The following GSE1 variants were observed in gnomAD, a reference collection of about 807,000 sequenced individuals.
The protein encoded by GSE1 is Gse1 coiled-coil protein, also known as genetic suppressor element 1.
GSE1 carries 32 observed loss-of-function variants against 112.6 expected under a neutral mutation model. That is an observed-to-expected ratio of 0.28 (90% confidence interval 0.21 to 0.38). The LOEUF is 0.38. GSE1 is among the 10% of genes least tolerant of loss of function. GSE1 has a pLI of 1.00. For missense variants in GSE1, 2,348 were observed against 1,699.2 expected (o/e 1.38, Z -6.71); for synonymous variants, 1,115 against 735.6 (o/e 1.52, Z -8.35).
At chr16:85,220,640 C>T (rs913552886) in intron 1 of GSE1, among the ~76,000 whole-genome samples, 2 of 152,120 alleles carry the variant, frequency 1.3e-5, no homozygotes, top group Non-Finnish European at 1.5e-5. Context: ...CCCGCTGCTG[C>T]CCGCTTGCCC....
chr16:85,438,603 C>A (rs1003135087), intron 2 of GSE1, among the ~76,000 whole-genome samples: 5 of 152,158 alleles, frequency 3.3e-5, no homozygotes, highest in Admixed American at 1.3e-4. Context: ...TCTTACAGCT[C>A]GGAAGGGAGT....
chr16:85,480,701 G>A (rs1320043183), intron 2 of GSE1, among the ~76,000 whole-genome samples: 1 of 152,106 alleles, frequency 6.6e-6, no homozygotes, highest in Non-Finnish European at 1.5e-5. Context: ...GGGCGGCAGG[G>A]GTGGCCAAGG....
At chr16:85,247,040 G>A (rs368061385) in intron 1 of GSE1, among the ~76,000 whole-genome samples, 2 of 152,062 alleles carry the variant, frequency 1.3e-5, no homozygotes, top group Admixed American at 6.5e-5. Flanking sequence ...GACCCATCTC[G>A]TCACCTGCCC....
intron 1 of GSE1, among the ~76,000 whole-genome samples, chr16:85,251,843 C>G (rs2144031971): frequency 6.6e-6 from 1 of 152,348 alleles, no homozygotes; most frequent in Admixed American, 6.5e-5. Context: ...CACACAACCG[C>G]TGGGTGTGCG....
At position 85,661,465 on chromosome 16, in the gene GSE1, C is replaced by A; in HGVS notation, c.1960C>A (p.Pro654Thr). ...TCTGGACAAGTACCAGCCACCTCCG[C>A]CGCCACCACGAGAGGGAGGGAGCCT... is the stretch of plus-strand genomic sequence containing the variant. ...APLDKYQPPP[P>T]PPREGGSLEH... is the part of the protein sequence containing the mutation. Residue 654 changes from proline (P) to threonine (T), a missense_variant, in exon 9 of 16, where the codon CCG (proline) becomes ACG (threonine). Transcript: ENST00000253458. 1.9e-6 allele frequency: 3 copies of A among 1,611,652 alleles called. No homozygotes were observed. The highest frequency in any genetic ancestry group is 2.5e-6 in the Non-Finnish European group (3 of 1,179,352).
At chr16:85,253,700 T>G (rs1255759663) in intron 1 of GSE1, among the ~76,000 whole-genome samples, 3 of 151,966 alleles carry the variant, frequency 2.0e-5, no homozygotes, top group Admixed American at 6.6e-5. Flanking sequence ...GGAGGAAGAG[T>G]TAGCCAGGGG....
chr16:85,477,588 T>C (rs912242118), intron 2 of GSE1, among the ~76,000 whole-genome samples: 2 of 135,898 alleles, frequency 1.5e-5, no homozygotes, highest in Non-Finnish European at 3.1e-5. Context: ...TGAGATGGAG[T>C]CTCGCTCTGT....
At chr16:85,364,073 G>A (rs886613682) in intron 2 of GSE1, among the ~76,000 whole-genome samples, 2 of 152,218 alleles carry the variant, frequency 1.3e-5, no homozygotes, top group Non-Finnish European at 2.9e-5. Flanking sequence ...GAAGTCTGAC[G>A]TTAGTCTCAC....
At chr16:85,654,568 TCGGC>T in intron 4 of GSE1, 118 bp downstream of exon 4, 1 of 929,314 alleles carries the variant, frequency 1.1e-6, no homozygotes, top group Non-Finnish European at 1.6e-6. Context: ...TAGATGGTTG[TCGGC>T]CGCTGAGCCC....
At chr16:85,296,105 T>C (rs2045358881) in intron 1 of GSE1, among the ~76,000 whole-genome samples, 1 of 151,924 alleles carries the variant, frequency 6.6e-6, no homozygotes. Context: ...ATGAAAGCTG[T>C]TTCAAGGCTG....
intron 1 of GSE1, among the ~76,000 whole-genome samples, chr16:85,348,183 A>T (rs1349181878): frequency 1.3e-5 from 2 of 151,810 alleles, no homozygotes; most frequent in East Asian, 3.9e-4. Flanking sequence ...CCCATTCACT[A>T]TTCATCTATC....
chr16:85,479,789 G>A (rs1410506513), intron 2 of GSE1, among the ~76,000 whole-genome samples: 8 of 152,168 alleles, frequency 5.3e-5, no homozygotes, highest in Non-Finnish European at 8.8e-5. Context: ...GCCAGGTGCC[G>A]GCCTGAACCC....
intron 2 of GSE1, among the ~76,000 whole-genome samples, chr16:85,545,825 C>G (rs1007153938): frequency 6.6e-6 from 1 of 152,180 alleles, no homozygotes; most frequent in South Asian, 2.1e-4. Flanking sequence ...CACTGTCGCC[C>G]AGGCTGGAGT....
intron 2 of GSE1, among the ~76,000 whole-genome samples, chr16:85,515,623 TC>T (rs1194213179): frequency 1.6e-5 from 2 of 127,354 alleles, no homozygotes; most frequent in African/African-American, 5.9e-5. Context: ...TGGGGGGAGA[TC>T]GCCTGAACAG....
At chr16:85,589,212 C>T (rs1003944148) in intron 1 of GSE1, among the ~76,000 whole-genome samples, 5 of 152,212 alleles carry the variant, frequency 3.3e-5, no homozygotes, top group African/African-American at 4.8e-5. Context: ...CACCCCAGAC[C>T]TCCTGCCTGG....
intron 1 of GSE1, among the ~76,000 whole-genome samples, chr16:85,195,260 G>A (rs904717792): frequency 6.6e-6 from 1 of 152,218 alleles, no homozygotes; most frequent in African/African-American, 2.4e-5. Flanking sequence ...TTTGGAGCGG[G>A]GGTGAACGAC....
upstream of GSE1, among the ~76,000 whole-genome samples, chr16:85,553,523 G>A: frequency 6.6e-6 from 1 of 151,596 alleles, no homozygotes; most frequent in Non-Finnish European, 1.5e-5. Flanking sequence ...GCGCTAGGCC[G>A]CCCGCTGGGA....
chr16:85,375,107 C>T (rs916534371), intron 2 of GSE1, among the ~76,000 whole-genome samples: 2 of 152,194 alleles, frequency 1.3e-5, no homozygotes, highest in Admixed American at 6.5e-5. Flanking sequence ...CAGCCCCTCA[C>T]GGGCTGGGAC....
chr16:85,202,948 TCCTCCCCTTCCCTCCTCCCCCTC>T (rs2075054496), intron 1 of GSE1, among the ~76,000 whole-genome samples: 1 of 128,904 alleles, frequency 7.8e-6, no homozygotes, highest in Non-Finnish European at 1.7e-5. Flanking sequence ...TCCCTTCGCC[TCCTCCCCTTCCCTCCTCCCCCTC>T]CCTCCCCACC....
Sources: allele counts gnomAD v4.1 joint callset (sites outside exome capture counted in the v4.1 genomes callset), GRCh38; gene constraint gnomAD v4.1.1; transcripts MANE v1.5; gene names NCBI Gene and HGNC (gene_info 2026-07-23, HGNC 2026-07-21).